ASMTL: variants seen among roughly 807,000 people sequenced by gnomAD.
ASMTL encodes the protein probable bifunctional dTTP/UTP pyrophosphatase/methyltransferase protein.
ASMTL carries 57 observed loss-of-function variants against 60.3 expected under a neutral mutation model. That is an observed-to-expected ratio of 0.95 (90% confidence interval 0.76 to 1.18). ASMTL has a LOEUF of 1.18. Among genes scored for constraint, ASMTL ranks in the 50% most tolerant of loss-of-function variants. The pLI, the probability that ASMTL is intolerant of heterozygous loss-of-function variation, is 0.00. For missense variants in ASMTL, 981 were observed against 852.6 expected (o/e 1.15, Z -1.88); for synonymous variants, 419 against 373.0 (o/e 1.12, Z -1.42).
chrX:1,420,808 T>C (rs1285429637), intron 9 of ASMTL, among the ~76,000 whole-genome samples: 1 of 152,132 alleles, frequency 6.6e-6, no homozygotes, highest in Non-Finnish European at 1.5e-5. Context: ...CTATTTCTAT[T>C]TTTCAGACAG....
intron 5 of ASMTL, among the ~76,000 whole-genome samples, chrX:1,433,049 G>C (rs2090850996): frequency 6.6e-6 from 1 of 152,106 alleles, no homozygotes; most frequent in South Asian, 2.1e-4. Context: ...AGTGAGCCAA[G>C]ATCACGCCAC....
Position 1,452,879 on chromosome X carries a change from C to T in ASMTL, c.-39G>A, listed in dbSNP as rs772221761. ...GGAGCCGGGCGTCCGCACTTCTGAG[C>T]CCGGAGCCCGCGGTGCGCGCAGCGC... is the stretch of plus-strand genomic sequence containing the variant. On this transcript the variant is annotated 5_prime_UTR_variant, in exon 1 of 13. Transcript: ENST00000381317. The T allele has an allele frequency of 4.1e-6, 6 of 1,447,598 alleles. No individual in the cohort carries two copies. In the South Asian group the frequency reaches 6.4e-5, roughly 15 times the overall value. The allele number at this position is 1,447,598 out of a possible 1,614,324, so 89.7% of individuals were successfully genotyped here.
chrX:1,434,962 G>A, intron 5 of ASMTL, 60 bp downstream of exon 5: 2 of 1,594,396 alleles, frequency 1.3e-6, no homozygotes, highest in Non-Finnish European at 8.6e-7. Flanking sequence ...AGGGTCCCGA[G>A]AATGTCCCGG....
At chrX:1,411,888 C>T in intron 12 of ASMTL, among the ~76,000 whole-genome samples, 1 of 138,416 alleles carries the variant, frequency 7.2e-6, no homozygotes, top group South Asian at 2.4e-4. Context: ...TCTCGGCTCA[C>T]TGCAACCTCC....
intron 9 of ASMTL, among the ~76,000 whole-genome samples, chrX:1,421,325 C>G (rs2090479938): frequency 6.6e-6 from 1 of 152,126 alleles, no homozygotes; most frequent in South Asian, 2.1e-4. Context: ...TGGTCTCAAA[C>G]TCCCGGGCTC....
intron 6 of ASMTL, among the ~76,000 whole-genome samples, chrX:1,429,881 CA>C (rs2149318834): frequency 6.6e-6 from 1 of 152,230 alleles, no homozygotes; most frequent in Admixed American, 6.5e-5. Flanking sequence ...TCCCATCGAG[CA>C]CCTCATGTAC....
intron 7 of ASMTL, among the ~76,000 whole-genome samples, chrX:1,426,581 G>A (rs1173481619): frequency 5.9e-5 from 9 of 152,140 alleles, no homozygotes; most frequent in African/African-American, 2.2e-4. Flanking sequence ...GGCCGGGCGC[G>A]CTGGCTCACG....
At chrX:1,435,527 G>T in intron 4 of ASMTL, 167 bp downstream of exon 4, 1 of 679,694 alleles carries the variant, frequency 1.5e-6, no homozygotes, top group South Asian at 1.7e-5. Flanking sequence ...AGCATGGAGG[G>T]ATAGTGCCTG....
rs192803478 is a variant in ASMTL at position 1,439,822 on chromosome X, T to C, written c.226-678A>G. Among the ~76,000 whole-genome samples, 394 of 131,670 alleles carry C rather than the reference T, an allele frequency of 3.0e-3. 5 individuals carry two copies. Among genetic ancestry groups the C allele is most frequent in the South Asian group, 3.7e-3 (16 of 4,292 alleles). 86.4% of individuals were successfully genotyped at this position (131,670 alleles called of 152,430 possible). A position where few individuals can be genotyped will look rare whatever the true frequency, so the allele number is the denominator to read the frequency against. On this transcript the variant is annotated intron_variant, in intron 2 of 12. Coordinates refer to ENST00000381317, the MANE Select transcript of ASMTL (RefSeq NM_004192.4). ...CTGCACTCCAGCCTGGGTGACAGAG[T>C]GAGACTCAGTCTCCAAAAAAAAAAA...
chrX:1,403,887 G>T (rs1451751243), intron 12 of ASMTL, among the ~76,000 whole-genome samples: 2 of 152,136 alleles, frequency 1.3e-5, no homozygotes, highest in Admixed American at 6.5e-5. Context: ...TGGATGGATA[G>T]ATGGATGCAT....
At chrX:1,442,702 G>A (rs775107908) in intron 1 of ASMTL, among the ~76,000 whole-genome samples, 3 of 152,280 alleles carry the variant, frequency 2.0e-5, no homozygotes, top group Non-Finnish European at 4.4e-5. Context: ...TTGGGGCAGA[G>A]TACAAAACCC....
At position 1,418,927 on chromosome X, in the gene ASMTL, T is replaced by TA. The variant is rs764126262; in HGVS notation, c.1378+54dup. ...TGGTAGGTGTCCTGAGCAGGGAAGATACCTGTGGCTTAATAAACGAAAGTA... is the reference window on the plus strand; with the variant it reads ...TGGTAGGTGTCCTGAGCAGGGAAGATAACCTGTGGCTTAATAAACGAAAGTA... On this transcript the variant is annotated intron_variant, in intron 10 of 12. Transcript: ENST00000381317. 2.7e-4 allele frequency: 435 copies of TA among 1,608,630 alleles called. 2 individuals are homozygous for TA. In the African/African-American group the frequency reaches 5.5e-3, roughly 20 times the overall value.
intron 6 of ASMTL, among the ~76,000 whole-genome samples, chrX:1,431,005 G>T: frequency 7.7e-6 from 1 of 129,094 alleles, no homozygotes; most frequent in Admixed American, 8.1e-5. Context: ...ATATTATTAT[G>T]TAATATGTAT....
intron 12 of ASMTL, among the ~76,000 whole-genome samples, chrX:1,406,493 A>G (rs767799381): frequency 1.4e-4 from 20 of 147,186 alleles, no homozygotes; most frequent in Admixed American, 1.1e-3. Context: ...GTGGATGGAT[A>G]GATGGATGTA....
chrX:1,436,475 C>A (rs1473035052), intron 3 of ASMTL, among the ~76,000 whole-genome samples: 6 of 152,216 alleles, frequency 3.9e-5, no homozygotes, highest in Admixed American at 2.6e-4. Context: ...GCCTCAGCCT[C>A]CCGAGTAGCT....
chrX:1,419,459 G>A (rs1569532536), intron 9 of ASMTL, among the ~76,000 whole-genome samples: 1 of 152,204 alleles, frequency 6.6e-6, no homozygotes, highest in Admixed American at 6.5e-5. Flanking sequence ...CCTCACTGGA[G>A]AAAACCAGGA....
chrX:1,443,133 G>A (rs1259081264), intron 1 of ASMTL, among the ~76,000 whole-genome samples: 2 of 151,408 alleles, frequency 1.3e-5, no homozygotes, highest in Admixed American at 1.3e-4. Context: ...CCGCCGTCGT[G>A]GACACACGCC....
At chrX:1,419,309 CAG>C (rs1423937968) in intron 9 of ASMTL, 195 bp from the exon 10 acceptor site, 3 of 179,258 alleles carry the variant, frequency 1.7e-5, no homozygotes, top group African/African-American at 7.2e-5. Flanking sequence ...TGGCTGGGGA[CAG>C]AGGACCCCAA....
intron 1 of ASMTL, 129 bp downstream of exon 1, chrX:1,452,619 C>T (rs1169578529): frequency 5.5e-6 from 4 of 729,946 alleles, no homozygotes; most frequent in East Asian, 6.0e-5. Flanking sequence ...GGACACTCTC[C>T]CCTCCCCCAT....
Sources: allele counts gnomAD v4.1 joint callset (sites outside exome capture counted in the v4.1 genomes callset), GRCh38; gene constraint gnomAD v4.1.1; transcripts MANE v1.5; gene names NCBI Gene and HGNC (gene_info 2026-07-23, HGNC 2026-07-21).